IL1RAPL2: variants seen among roughly 807,000 people sequenced by gnomAD.
IL1RAPL2 encodes the protein interleukin 1 receptor accessory protein like 2, also known as X-linked interleukin-1 receptor accessory protein-like 2.
In IL1RAPL2, 3 loss-of-function variants were observed where a neutral mutation model predicts 44.1. The ratio of observed to expected loss-of-function variants is 0.07; its 90% CI spans 0.03 to 0.18. The LOEUF is 0.18. Ranked by LOEUF, IL1RAPL2 falls within the 10% of genes least tolerant of loss-of-function variation. The probability of loss-of-function intolerance (pLI) is 1.00; values close to 1 mark genes in which losing one functional copy is unlikely to be tolerated. For synonymous variants in IL1RAPL2, 181 were observed against 178.8 expected (o/e 1.01, Z -0.10); for missense variants, 391 against 496.4 (o/e 0.79, Z 2.02).
At chrX:104,695,583 AACAT>A (rs1931166216) in intron 2 of IL1RAPL2, among the ~76,000 whole-genome samples, 1 of 109,320 alleles carries the variant, frequency 9.1e-6, no homozygotes, top group African/African-American at 3.3e-5. Flanking sequence ...TCAGAACCAT[AACAT>A]GAGTAGTAGC....
chrX:105,179,439 G>A (rs192875828), intron 2 of IL1RAPL2, among the ~76,000 whole-genome samples: 26 of 111,784 alleles, frequency 2.3e-4, no homozygotes, highest in Non-Finnish European at 3.8e-5. Context: ...CTGCAGCTTT[G>A]TTCTTTTTGC....
chrX:105,500,646 A>G (rs2036387835), intron 6 of IL1RAPL2, among the ~76,000 whole-genome samples: 1 of 111,915 alleles, frequency 8.9e-6, no homozygotes, highest in Non-Finnish European at 1.9e-5. Context: ...AATCTATGTT[A>G]AAATGTAAAT....
intron 4 of IL1RAPL2, among the ~76,000 whole-genome samples, chrX:105,242,959 C>A (rs1242412196): frequency 9.1e-6 from 1 of 109,979 alleles, no homozygotes; most frequent in African/African-American, 3.3e-5. Flanking sequence ...ATTAGCTGGG[C>A]GTGATGGTGC....
intron 6 of IL1RAPL2, among the ~76,000 whole-genome samples, chrX:105,549,373 A>T (rs1481931290): frequency 9.0e-6 from 1 of 111,650 alleles, no homozygotes; most frequent in Non-Finnish European, 1.9e-5. Context: ...CCTTCATCTA[A>T]TTTTTCCCCC....
chrX:105,676,216 T>C (rs769308464), intron 6 of IL1RAPL2: 2 of 111,970 alleles, frequency 1.8e-5, no homozygotes, highest in South Asian at 7.4e-4. Context: ...AAATAAGAAT[T>C]GTGTCCACCT....
At chrX:105,474,938 T>A (rs2036188535) in intron 5 of IL1RAPL2, among the ~76,000 whole-genome samples, 1 of 111,092 alleles carries the variant, frequency 9.0e-6, no homozygotes, top group African/African-American at 3.3e-5. Flanking sequence ...GACCTTGGAC[T>A]CAAGGGTGAG....
At chrX:105,043,270 C>T (rs1602916853) in intron 2 of IL1RAPL2, among the ~76,000 whole-genome samples, 1 of 110,873 alleles carries the variant, frequency 9.0e-6, no homozygotes, top group Non-Finnish European at 1.9e-5. Flanking sequence ...GTGTGGCACA[C>T]TGGATATCAC....
At chrX:104,737,526 T>G (rs1172683058) in intron 2 of IL1RAPL2, among the ~76,000 whole-genome samples, 2 of 112,078 alleles carry the variant, frequency 1.8e-5, no homozygotes, top group African/African-American at 6.5e-5. Context: ...GCATGAGGAC[T>G]GAATCTGTCT....
chrX:105,334,560 C>A (rs896338597), intron 5 of IL1RAPL2, among the ~76,000 whole-genome samples: 1 of 111,695 alleles, frequency 9.0e-6, no homozygotes, highest in East Asian at 2.8e-4. Flanking sequence ...GGATGGATAT[C>A]CCATGCTCCA....
At chrX:105,674,970 G>C (rs2037857595) in intron 6 of IL1RAPL2, among the ~76,000 whole-genome samples, 1 of 110,050 alleles carries the variant, frequency 9.1e-6, no homozygotes, top group Admixed American at 9.8e-5. Flanking sequence ...CTTGCCTGTT[G>C]TTGTTGTATA....
intron 2 of IL1RAPL2, among the ~76,000 whole-genome samples, chrX:104,788,912 G>C (rs1366331628): frequency 1.8e-5 from 2 of 111,786 alleles, no homozygotes; most frequent in Non-Finnish European, 3.8e-5. Flanking sequence ...GCAGCATAGG[G>C]AATGCCTCTG....
intron 2 of IL1RAPL2, among the ~76,000 whole-genome samples, chrX:105,060,260 G>A (rs183545461): frequency 3.9e-4 from 44 of 111,685 alleles, no homozygotes; most frequent in African/African-American, 1.4e-3. Context: ...AGCTCTTATC[G>A]TGTTGAGGTA....
chrX:104,730,977 T>C (rs1430630784), intron 2 of IL1RAPL2, among the ~76,000 whole-genome samples: 1 of 111,451 alleles, frequency 9.0e-6, no homozygotes, highest in Admixed American at 9.5e-5. Context: ...TGGCCAGTGA[T>C]GATGAGCATT....
At chrX:104,699,414 C>T (rs1391423391) in intron 2 of IL1RAPL2, among the ~76,000 whole-genome samples, 1 of 111,479 alleles carries the variant, frequency 9.0e-6, no homozygotes, top group Non-Finnish European at 1.9e-5. Context: ...CCCTCACATG[C>T]ATGCACAGTT....
Position 104,844,187 on chromosome X carries a change from A to G in IL1RAPL2, c.82+185192A>G, listed in dbSNP as rs755247021. Among the ~76,000 whole-genome samples, 177 of 110,575 alleles carry G rather than the reference A, an allele frequency of 1.6e-3. 1 individual carries two copies. Among genetic ancestry groups the G allele is most frequent in the Non-Finnish European group, 3.6e-4 (19 of 52,966 alleles). ...AATTCCTTTCTTTTCTGGAAGTTAA[A>G]CCAATGTGCTACACTTTTCTGTCCT... On this transcript the variant is annotated intron_variant, in intron 2 of 10. Coordinates refer to ENST00000372582, the MANE Select transcript of IL1RAPL2 (RefSeq NM_017416.2).
At chrX:104,696,605 T>C (rs1228484707) in intron 2 of IL1RAPL2, among the ~76,000 whole-genome samples, 1 of 112,017 alleles carries the variant, frequency 8.9e-6, no homozygotes, top group Non-Finnish European at 1.9e-5. Context: ...AGTATGAAAT[T>C]TGGCAGGGTT....
At chrX:104,641,935 C>T (rs930187321) in intron 1 of IL1RAPL2, among the ~76,000 whole-genome samples, 1 of 111,451 alleles carries the variant, frequency 9.0e-6, no homozygotes, top group Admixed American at 9.5e-5. Context: ...TGGTGTGGCA[C>T]CCAGCACAGA....
At chrX:105,492,721 C>A (rs754948637) in intron 6 of IL1RAPL2, among the ~76,000 whole-genome samples, 2 of 110,403 alleles carry the variant, frequency 1.8e-5, no homozygotes, top group East Asian at 5.7e-4. Context: ...ATTTTCCCAG[C>A]AACTCTTTGT....
intron 1 of IL1RAPL2, among the ~76,000 whole-genome samples, chrX:104,606,411 A>G (rs1358687173): frequency 8.9e-6 from 1 of 112,109 alleles, no homozygotes; most frequent in Non-Finnish European, 1.9e-5. Flanking sequence ...AACCAGCACA[A>G]GACAAGGATG....
Sources: allele counts gnomAD v4.1 joint callset (sites outside exome capture counted in the v4.1 genomes callset), GRCh38; gene constraint gnomAD v4.1.1; transcripts MANE v1.5; gene names NCBI Gene and HGNC (gene_info 2026-07-23, HGNC 2026-07-21).